Variants in VPS41 observed in about 807,000 individuals in gnomAD.
The protein encoded by VPS41 is VPS41 subunit of HOPS complex, also known as vacuolar protein sorting-associated protein 41 homolog.
VPS41 carries 85 observed loss-of-function variants against 130.9 expected under a neutral mutation model. The observed-to-expected ratio is 0.65, with a 90% CI of 0.55 to 0.78. The LOEUF (loss-of-function observed/expected upper bound fraction) is 0.78. VPS41 is among the 30% of genes least tolerant of loss of function. The pLI, the probability that VPS41 is intolerant of heterozygous loss-of-function variation, is 0.00. For missense variants in VPS41, 874 were observed against 1,018.7 expected, an observed-to-expected ratio of 0.86 and a Z score of 1.93; for synonymous variants, 335 against 332.9, an observed-to-expected ratio of 1.01 and a Z score of -0.07.
chr7:38,826,880 G>A (rs758828789), intron 5 of VPS41, among the ~76,000 whole-genome samples: 4 of 151,956 alleles, frequency 2.6e-5, no homozygotes, highest in Non-Finnish European at 4.4e-5. Context: ...GTGCAGTGGC[G>A]TGATCTCAGC....
Position 38,750,835 on chromosome 7 carries a change from G to C in VPS41, c.1926+1341C>G, listed in dbSNP as rs978554924. Among the ~76,000 whole-genome samples the C allele has an allele frequency of 3.3e-5, 5 of 152,202 alleles. No homozygotes were observed. In the East Asian group the frequency reaches 9.6e-4, roughly 29 times the overall value. On this transcript the variant is annotated intron_variant, in intron 22 of 28. Coordinates refer to ENST00000310301, the MANE Select transcript of VPS41 (RefSeq NM_014396.4). The stretch of plus-strand genomic sequence containing the variant: ...TTAATCACCCACATGTGACCTCTCT[G>C]TCTCAGAGGTCAATGGGAGACTTCA...
intron 22 of VPS41, 82 bp downstream of exon 22, chr7:38,752,094 G>C (rs1489278819): frequency 5.1e-6 from 8 of 1,569,456 alleles, no homozygotes; most frequent in East Asian, 2.2e-5. Context: ...AACAGAGATA[G>C]AAAGAGAAGA....
chr7:38,888,628 A>T (rs1786787013), intron 2 of VPS41, among the ~76,000 whole-genome samples: 1 of 152,134 alleles, frequency 6.6e-6, no homozygotes, highest in Non-Finnish European at 1.5e-5. Flanking sequence ...GAGACAGAAA[A>T]TTAACAAGGA....
intron 1 of VPS41, among the ~76,000 whole-genome samples, chr7:38,906,439 G>A (rs572861166): frequency 1.3e-4 from 20 of 151,548 alleles, no homozygotes; most frequent in Admixed American, 9.8e-4. Context: ...CGACCCTCTT[G>A]ACTCAAGCAA....
chr7:38,813,448 T>G (rs1169392505), intron 7 of VPS41, among the ~76,000 whole-genome samples: 3 of 152,284 alleles, frequency 2.0e-5, no homozygotes, highest in African/African-American at 7.2e-5. Flanking sequence ...TAGCTTACGT[T>G]GATGGTTACA....
chr7:38,865,704 C>T (rs1455702107), intron 3 of VPS41, among the ~76,000 whole-genome samples: 1 of 152,114 alleles, frequency 6.6e-6, no homozygotes, highest in Admixed American at 6.5e-5. Context: ...ACAACTTGCT[C>T]AAAGGCACAG....
In VPS41 at chr7:38,908,292, T is replaced by G. The variant is rs143589068; in HGVS notation, c.21+862A>C. Among the ~76,000 whole-genome samples, 15 of 152,288 alleles carry G rather than the reference T, an allele frequency of 9.8e-5. No homozygotes were observed. In the East Asian group the frequency reaches 2.9e-3, roughly 29 times the overall value. ...AAGTTATCTCCCCCAAGTTCTAGCC[T>G]CTTTTTTGGTCTGCTTCTCTTTTTT... On this transcript the variant is annotated intron_variant, in intron 1 of 28. Transcript: ENST00000310301.
intron 7 of VPS41, 154 bp from the exon 8 acceptor site, chr7:38,797,018 C>A: frequency 1.2e-6 from 1 of 821,776 alleles, no homozygotes. Context: ...TTATTTGTAC[C>A]TTGGAAAGAA....
rs180850886 is a variant in VPS41 at position 38,901,318 on chromosome 7, C to T, written c.22-3189G>A. On this transcript the variant is annotated intron_variant, in intron 1 of 28. Coordinates refer to ENST00000310301, the MANE Select transcript of VPS41 (RefSeq NM_014396.4). ...ACATTTGTGTTGCTCTAAAGGAATA[C>T]CTAACTAAGGCGGGTTAATTTATAA... 7.8e-4 allele frequency among the ~76,000 whole-genome samples: 118 copies of T among 152,226 alleles called. 1 individual carries two copies. Among genetic ancestry groups the T allele is most frequent in the Admixed American group, 1.6e-3 (25 of 15,292 alleles).
intron 22 of VPS41, among the ~76,000 whole-genome samples, chr7:38,747,430 T>C (rs529243049): frequency 3.9e-5 from 6 of 152,348 alleles, no homozygotes; most frequent in South Asian, 2.1e-4. Flanking sequence ...TAGAGAAAGA[T>C]AGTCTGACTA....
chr7:38,845,325 T>C (rs1562607464), intron 4 of VPS41, among the ~76,000 whole-genome samples: 1 of 152,226 alleles, frequency 6.6e-6, no homozygotes, highest in Non-Finnish European at 1.5e-5. Context: ...CCGTGCTGGA[T>C]AGCAGATACA....
chr7:38,826,970 C>T lies in VPS41; in HGVS notation c.321+3284G>A, dbSNP rs187121797. Among the ~76,000 whole-genome samples, 929 of 152,104 alleles carry T rather than the reference C, an allele frequency of 6.1e-3. 8 individuals are homozygous for T. Among genetic ancestry groups the T allele is most frequent in the African/African-American group, 0.021 (855 of 41,462 alleles). ...AGTAGCTGGGACTACAGGTGCCCGCCGCCACACCCGGCTAATTTTTTGTAT... is the reference window on the plus strand; with the variant it reads ...AGTAGCTGGGACTACAGGTGCCCGCTGCCACACCCGGCTAATTTTTTGTAT... On this transcript the variant is annotated intron_variant, in intron 5 of 28. Transcript: ENST00000310301.
intron 2 of VPS41, among the ~76,000 whole-genome samples, chr7:38,882,210 A>G (rs917650268): frequency 4.6e-5 from 7 of 151,862 alleles, no homozygotes; most frequent in African/African-American, 1.7e-4. Context: ...GAATCCCTAG[A>G]CCTCATCTCA....
At chr7:38,887,985 A>T (rs534143344) in intron 2 of VPS41, among the ~76,000 whole-genome samples, 2 of 152,356 alleles carry the variant, frequency 1.3e-5, no homozygotes, top group African/African-American at 4.8e-5. Flanking sequence ...ATGCTGAGAG[A>T]TTTCATCACC....
At chr7:38,781,120 A>T (rs1179495828) in intron 10 of VPS41, among the ~76,000 whole-genome samples, 1 of 152,178 alleles carries the variant, frequency 6.6e-6, no homozygotes, top group Non-Finnish European at 1.5e-5. Context: ...TCTTTATAGG[A>T]ATGCAAGAAT....
intron 10 of VPS41, among the ~76,000 whole-genome samples, chr7:38,781,718 C>G (rs1784357072): frequency 6.6e-6 from 1 of 152,192 alleles, no homozygotes; most frequent in Non-Finnish European, 1.5e-5. Context: ...ATCTTTGCAT[C>G]TATTTGTTCT....
chr7:38,859,535 A>C (rs1786056692), intron 4 of VPS41, among the ~76,000 whole-genome samples: 1 of 152,178 alleles, frequency 6.6e-6, no homozygotes, highest in Non-Finnish European at 1.5e-5. Context: ...GTTTAAATGC[A>C]CAAATACTTG....
chr7:38,848,356 G>A (rs1785772251), intron 4 of VPS41, among the ~76,000 whole-genome samples: 2 of 152,162 alleles, frequency 1.3e-5, no homozygotes, highest in Non-Finnish European at 1.5e-5. Flanking sequence ...AGCAAAATGG[G>A]TGTAAGAATG....
chr7:38,860,697 TTGTGTG>T (rs59007809), intron 4 of VPS41, among the ~76,000 whole-genome samples: 4,372 of 143,350 alleles, frequency 0.03, 97 homozygotes, highest in African/African-American at 0.064. Flanking sequence ...AACAATCTGT[TTGTGTG>T]TGTGTGTGTG....
Sources: allele counts gnomAD v4.1 joint callset (sites outside exome capture counted in the v4.1 genomes callset), GRCh38; gene constraint gnomAD v4.1.1; transcripts MANE v1.5; gene names NCBI Gene and HGNC (gene_info 2026-07-23, HGNC 2026-07-21).